The following DPH6 variants were observed in gnomAD, a reference collection of about 807,000 sequenced individuals.
DPH6 encodes diphthamine biosynthesis 6, also known as diphthine--ammonia ligase.
In DPH6, 33 loss-of-function variants were observed where a neutral mutation model predicts 38.2. That is an observed-to-expected ratio of 0.86 (90% CI 0.65 to 1.15). The LOEUF (loss-of-function observed/expected upper bound fraction) is 1.15, where lower values mean the gene tolerates loss of function less well. DPH6 is among the 50% of genes most tolerant of loss of function. The probability of loss-of-function intolerance (pLI) is 0.00; values close to 1 mark genes in which losing one functional copy is unlikely to be tolerated. For missense variants in DPH6, 325 were observed against 320.0 expected (o/e 1.02, Z -0.12); for synonymous variants, 108 against 103.0 (o/e 1.05, Z -0.30).
At chr15:35,324,137 G>C (rs2052263320) in intron 3 of DPH6, among the ~76,000 whole-genome samples, 2 of 152,070 alleles carry the variant, frequency 1.3e-5, no homozygotes, top group African/African-American at 4.8e-5. Flanking sequence ...ACATAATTCA[G>C]GGTTGTTGTG....
At chr15:35,201,494 C>T in the DPH6 span, among the ~76,000 whole-genome samples, 4,444 of 151,836 alleles carry the variant, frequency 0.029, 194 homozygotes, top group African/African-American at 0.095. Context: ...AGTTATTTCA[C>T]GTTTTTAAAA....
intron 3 of DPH6, among the ~76,000 whole-genome samples, chr15:35,473,573 A>G (rs2054223210): frequency 6.6e-6 from 1 of 152,164 alleles, no homozygotes; most frequent in Admixed American, 6.5e-5. Context: ...AGAAAGGTAT[A>G]TATATTGGTA....
intron 3 of DPH6, among the ~76,000 whole-genome samples, chr15:35,324,589 T>C (rs748899785): frequency 6.6e-6 from 1 of 152,150 alleles, no homozygotes; most frequent in Non-Finnish European, 1.5e-5. Flanking sequence ...GAGCCTGCAC[T>C]CAGGACCAGG....
chr15:35,306,513 C>T (rs1451545373), intron 3 of DPH6, among the ~76,000 whole-genome samples: 1 of 152,148 alleles, frequency 6.6e-6, no homozygotes, highest in African/African-American at 2.4e-5. Context: ...GTCTTTGCTG[C>T]AGAGCTGTTT....
chr15:35,198,632 G>C, the DPH6 span, among the ~76,000 whole-genome samples: 3 of 152,244 alleles, frequency 2.0e-5, no homozygotes, highest in Admixed American at 2.0e-4. Context: ...ATTTCAACTG[G>C]TGAACAAATA....
intron 3 of DPH6, among the ~76,000 whole-genome samples, chr15:35,309,937 G>A (rs1286250819): frequency 6.6e-6 from 1 of 152,058 alleles, no homozygotes; most frequent in Non-Finnish European, 1.5e-5. Flanking sequence ...TGCATTTTTT[G>A]GCTGTCAGTA....
At chr15:35,534,510 A>G (rs1382542668) in intron 3 of DPH6, among the ~76,000 whole-genome samples, 1 of 152,154 alleles carries the variant, frequency 6.6e-6, no homozygotes, top group Non-Finnish European at 1.5e-5. Context: ...TTATTAAAAA[A>G]CAATGGACAA....
chr15:35,365,956 C>T (rs1274388052), downstream of DPH6: 9 of 985,124 alleles, frequency 9.1e-6, no homozygotes, highest in South Asian at 1.9e-4. Flanking sequence ...TGACAAATCA[C>T]TTTTCTGCTC....
At chr15:35,209,085 T>G in the DPH6 span, among the ~76,000 whole-genome samples, 3 of 152,130 alleles carry the variant, frequency 2.0e-5, no homozygotes, top group East Asian at 5.8e-4. Flanking sequence ...CCCCATTATA[T>G]TTTTTAAGTT....
intron 3 of DPH6, among the ~76,000 whole-genome samples, chr15:35,309,718 C>T (rs570668961): frequency 3.9e-4 from 59 of 152,298 alleles, no homozygotes; most frequent in Non-Finnish European, 7.2e-4. Context: ...GGAACTAATT[C>T]ATTAAGTTGT....
At chr15:35,367,326 T>G (rs2140914452), downstream of DPH6, among the ~76,000 whole-genome samples, 1 of 152,000 alleles carries the variant, frequency 6.6e-6, no homozygotes, top group East Asian at 1.9e-4. Flanking sequence ...TGCTAATAAT[T>G]AATTTAAAAT....
At chr15:35,323,801 A>G (rs1189215201) in intron 3 of DPH6, among the ~76,000 whole-genome samples, 6 of 152,328 alleles carry the variant, frequency 3.9e-5, no homozygotes, top group Admixed American at 2.0e-4. Context: ...AAGCATCAGT[A>G]CTGAGGAACC....
At chr15:35,158,695 G>C in the DPH6 span, among the ~76,000 whole-genome samples, 1 of 152,032 alleles carries the variant, frequency 6.6e-6, no homozygotes, top group Non-Finnish European at 1.5e-5. Context: ...GTTATGGCAT[G>C]ACTAAGAAAA....
At chr15:35,365,447 T>C (rs922906535) in intron 3 of DPH6, among the ~76,000 whole-genome samples, 3 of 152,090 alleles carry the variant, frequency 2.0e-5, no homozygotes, top group African/African-American at 4.8e-5. Flanking sequence ...TTATCTTTTA[T>C]TACAAATCAC....
chr15:35,436,272 T>A (rs111271414), intron 5 of DPH6, among the ~76,000 whole-genome samples: 2 of 150,848 alleles, frequency 1.3e-5, no homozygotes, highest in Non-Finnish European at 2.9e-5. Context: ...CAAGACCATC[T>A]TGGCTAACAT....
intron 3 of DPH6, among the ~76,000 whole-genome samples, chr15:35,283,717 G>A (rs890113878): frequency 2.7e-5 from 4 of 150,492 alleles, no homozygotes; most frequent in Non-Finnish European, 1.5e-5. Flanking sequence ...ACCATTTCTA[G>A]CAAGAAAGAT....
At chr15:35,525,158 C>T (rs1013797262) in intron 3 of DPH6, among the ~76,000 whole-genome samples, 2 of 151,996 alleles carry the variant, frequency 1.3e-5, no homozygotes, top group Non-Finnish European at 2.9e-5. Context: ...TAATAAGTAC[C>T]CACAAAAGTA....
intron 6 of DPH6, among the ~76,000 whole-genome samples, chr15:35,402,231 T>C (rs559771667): frequency 6.6e-6 from 1 of 152,180 alleles, no homozygotes; most frequent in Admixed American, 6.5e-5. Flanking sequence ...AACCTGCTTG[T>C]GTGGAGAAGC....
At chr15:35,231,655 C>T (rs1275678473) in intron 3 of DPH6, among the ~76,000 whole-genome samples, 1 of 152,186 alleles carries the variant, frequency 6.6e-6, no homozygotes, top group African/African-American at 2.4e-5. Flanking sequence ...TTAAGGAATA[C>T]TTGAGGCAGG....
Sources: gnomAD v4.1 joint callset for allele counts (sites outside exome capture counted in the v4.1 genomes callset) on GRCh38, gnomAD v4.1.1 for gene constraint, MANE v1.5 for transcripts, NCBI Gene and HGNC (gene_info 2026-07-23, HGNC 2026-07-21) for gene names.